Variants in TTC28 observed in about 807,000 individuals in gnomAD.
The protein encoded by TTC28 is tetratricopeptide repeat protein 28.
In TTC28, 61 loss-of-function variants were observed where a neutral mutation model predicts 198.0. That is an observed-to-expected ratio of 0.31 (90% CI 0.25 to 0.38). The LOEUF (loss-of-function observed/expected upper bound fraction) is 0.38. Ranked by LOEUF, TTC28 falls within the 10% of genes least tolerant of loss-of-function variation. The pLI is 1.00. For synonymous variants in TTC28, 1,171 were observed against 1,297.8 expected, an observed-to-expected ratio of 0.90 and a Z score of 2.10; for missense variants, 2,678 against 3,164.0, an observed-to-expected ratio of 0.85 and a Z score of 3.69.
chr22:28,217,003 C>T (rs1927457288), intron 5 of TTC28, among the ~76,000 whole-genome samples: 1 of 152,106 alleles, frequency 6.6e-6, no homozygotes, highest in Non-Finnish European at 1.5e-5. Context: ...AGGCATGAGC[C>T]ACCGCACCCA....
chr22:27,990,859 A>G, intron 19 of TTC28, 47 bp from the exon 20 acceptor site: 1 of 1,533,366 alleles, frequency 6.5e-7, no homozygotes, highest in Non-Finnish European at 8.8e-7. Flanking sequence ...GAGAAAGAAG[A>G]GAGTTTAGAC....
intron 2 of TTC28, among the ~76,000 whole-genome samples, chr22:28,446,907 T>G (rs1269002205): frequency 6.6e-6 from 1 of 152,200 alleles, no homozygotes; most frequent in East Asian, 1.9e-4. Flanking sequence ...CAATCTAATA[T>G]ATAACAAAAT....
intron 2 of TTC28, among the ~76,000 whole-genome samples, chr22:28,585,111 C>A (rs1458525636): frequency 1.3e-5 from 2 of 152,150 alleles, no homozygotes; most frequent in African/African-American, 4.8e-5. Context: ...TAGTCCCCAA[C>A]CTTTTTGGCA....
intron 5 of TTC28, among the ~76,000 whole-genome samples, chr22:28,273,534 T>C (rs1932226862): frequency 6.6e-6 from 1 of 151,358 alleles, no homozygotes. Flanking sequence ...GAATATAGGA[T>C]AGTAAAAAAA....
rs1302905278 is a variant in TTC28, at chr22:28,011,257, G to A, written c.4218+2991C>T. Among the ~76,000 whole-genome samples the A allele has an allele frequency of 3.3e-5, 5 of 152,314 alleles. No individual in the cohort carries two copies. The East Asian group carries it at 9.6e-4, about 29-fold the overall frequency. On this transcript the variant is annotated intron_variant, in intron 14 of 22. Coordinates refer to ENST00000397906, the MANE Select transcript of TTC28 (RefSeq NM_001145418.2). ...ATGGACTCAGTGTAGTAGTCAGCAT[G>A]TAGCAAATTCAAGTTTGGCTTTTCA...
intron 2 of TTC28, among the ~76,000 whole-genome samples, chr22:28,445,851 T>C (rs9625475): frequency 0.12 from 17,690 of 150,978 alleles, 1,260 homozygotes; most frequent in African/African-American, 0.18. Context: ...CCTGATGACA[T>C]ACATATCTAT....
At chr22:28,371,956 G>A (rs1399198233) in intron 2 of TTC28, among the ~76,000 whole-genome samples, 1 of 151,498 alleles carries the variant, frequency 6.6e-6, no homozygotes, top group Non-Finnish European at 1.5e-5. Context: ...AGACGTGGTG[G>A]TGTGTGCCTG....
intron 6 of TTC28, among the ~76,000 whole-genome samples, chr22:28,132,541 T>G (rs768368151): frequency 3.8e-4 from 58 of 152,280 alleles, no homozygotes; most frequent in African/African-American, 1.2e-3. Flanking sequence ...AGACTGAATA[T>G]TTTTCAAAAA....
chr22:28,134,866 T>C (rs1378651005), intron 6 of TTC28, among the ~76,000 whole-genome samples: 1 of 152,194 alleles, frequency 6.6e-6, no homozygotes, highest in African/African-American at 2.4e-5. Context: ...TGAGACTATA[T>C]TTCTGTGTGG....
intron 2 of TTC28, chr22:28,443,065 T>G (rs1345441393): frequency 6.6e-6 from 1 of 152,228 alleles, no homozygotes; most frequent in Non-Finnish European, 1.5e-5. Context: ...GAGAGTCCAG[T>G]CTTTTCGCCT....
At chr22:28,032,141 C>A (rs1405373341) in intron 12 of TTC28, among the ~76,000 whole-genome samples, 1 of 140,660 alleles carries the variant, frequency 7.1e-6, no homozygotes, top group East Asian at 2.0e-4. Context: ...TATACAAGCA[C>A]ATCCTATTTA....
chr22:28,341,833 G>T (rs1297851156), intron 2 of TTC28, among the ~76,000 whole-genome samples: 5 of 151,876 alleles, frequency 3.3e-5, no homozygotes, highest in African/African-American at 1.2e-4. Flanking sequence ...ATAAAAATTA[G>T]CCAAACATGG....
At chr22:28,356,828 T>C (rs146042570) in intron 2 of TTC28, among the ~76,000 whole-genome samples, 244 of 152,244 alleles carry the variant, frequency 1.6e-3, no homozygotes, top group African/African-American at 5.4e-3. Flanking sequence ...CTCCATTATC[T>C]GAATTCAGTT....
At chr22:28,631,905 A>G (rs2051179363) in intron 1 of TTC28, among the ~76,000 whole-genome samples, 1 of 152,196 alleles carries the variant, frequency 6.6e-6, no homozygotes, top group Admixed American at 6.5e-5. Context: ...TATCAAGGAC[A>G]GCCATTTTAT....
chr22:28,000,224 G>C (rs949603944), intron 15 of TTC28: 2 of 152,180 alleles, frequency 1.3e-5, no homozygotes, highest in African/African-American at 4.8e-5. Context: ...CTGATTCTTT[G>C]CTTCATAAGA....
chr22:28,193,678 A>G (rs1925106010), intron 5 of TTC28, among the ~76,000 whole-genome samples: 1 of 152,208 alleles, frequency 6.6e-6, no homozygotes, highest in African/African-American at 2.4e-5. Context: ...CAAAGATTGA[A>G]AGACACAAGG....
intron 10 of TTC28, among the ~76,000 whole-genome samples, chr22:28,097,652 T>C (rs1942016898): frequency 6.6e-6 from 1 of 152,240 alleles, no homozygotes; most frequent in Non-Finnish European, 1.5e-5. Context: ...AATGTAAATA[T>C]GGAAGAGTTA....
intron 6 of TTC28, among the ~76,000 whole-genome samples, chr22:28,131,215 C>G (rs1943052776): frequency 1.3e-5 from 2 of 152,090 alleles, no homozygotes; most frequent in South Asian, 4.1e-4. Flanking sequence ...GGTTCTGTTT[C>G]TAAATTAAAA....
intron 2 of TTC28, among the ~76,000 whole-genome samples, chr22:28,372,504 G>A (rs998769393): frequency 4.1e-5 from 6 of 145,368 alleles, no homozygotes; most frequent in Admixed American, 7.0e-5. Flanking sequence ...TTTTCCCTCC[G>A]CACCTCCCTA....
Sources: allele counts gnomAD v4.1 joint callset (sites outside exome capture counted in the v4.1 genomes callset), GRCh38; gene constraint gnomAD v4.1.1; transcripts MANE v1.5; gene names NCBI Gene and HGNC (gene_info 2026-07-23, HGNC 2026-07-21).